TRPM6: variants seen among roughly 807,000 people sequenced by gnomAD.
TRPM6 encodes channel kinase 2.
TRPM6 carries 111 observed loss-of-function variants against 247.6 expected under a neutral mutation model. The observed-to-expected ratio is 0.45, with a 90% CI of 0.38 to 0.52. The LOEUF (loss-of-function observed/expected upper bound fraction) is 0.52, where lower values mean the gene tolerates loss of function less well. TRPM6 is among the 20% of genes least tolerant of loss of function. TRPM6 has a pLI of 0.00. For missense variants in TRPM6, 2,126 were observed against 2,421.5 expected (o/e 0.88, Z 2.56); for synonymous variants, 892 against 853.8 (o/e 1.04, Z -0.78).
intron 1 of TRPM6, among the ~76,000 whole-genome samples, chr9:74,870,942 G>GAAAAGAAAAGA (rs925304968): frequency 6.6e-6 from 1 of 151,274 alleles, no homozygotes; most frequent in East Asian, 1.9e-4. Flanking sequence ...CAAAAAAAAA[G>GAAAAGAAAAGA]AAAAGAAAAG....
At chr9:74,818,409 T>A (rs1480191027) in intron 9 of TRPM6, among the ~76,000 whole-genome samples, 3 of 149,914 alleles carry the variant, frequency 2.0e-5, no homozygotes, top group Non-Finnish European at 1.5e-5. Flanking sequence ...TTCAAGCGAT[T>A]CTCCTGCCTA....
chr9:74,783,974 G>A (rs181940650), intron 21 of TRPM6, among the ~76,000 whole-genome samples: 1 of 152,136 alleles, frequency 6.6e-6, no homozygotes, highest in East Asian at 1.9e-4. Context: ...GGAAAAAGCC[G>A]GCCGGGCTCA....
intron 23 of TRPM6, among the ~76,000 whole-genome samples, chr9:74,781,257 C>G (rs1226288656): frequency 1.3e-5 from 2 of 151,948 alleles, no homozygotes; most frequent in Admixed American, 1.3e-4. Flanking sequence ...AACAGAGGGC[C>G]TGGCACAGTG....
At chr9:74,819,169 C>G (rs914371284) in intron 9 of TRPM6, among the ~76,000 whole-genome samples, 1 of 152,000 alleles carries the variant, frequency 6.6e-6, no homozygotes, top group Admixed American at 6.6e-5. Context: ...ATTAGCCAGG[C>G]ATGGTGGCAT....
intron 38 of TRPM6, among the ~76,000 whole-genome samples, chr9:74,726,371 G>C (rs563185889): frequency 6.6e-6 from 1 of 152,072 alleles, no homozygotes. Flanking sequence ...TTAGCTGGGC[G>C]TGGTGGCGGG....
At chr9:74,883,336 T>G (rs1042046809) in intron 1 of TRPM6, among the ~76,000 whole-genome samples, 1 of 152,186 alleles carries the variant, frequency 6.6e-6, no homozygotes, top group Non-Finnish European at 1.5e-5. Context: ...TTTTAATGAT[T>G]GTGATTTTAT....
Position 74,788,703 on chromosome 9 carries a change from C to A in TRPM6, c.2578G>T (p.Val860Leu), listed in dbSNP as rs1376855844. 4 of 1,613,938 alleles carry A rather than the reference C, an allele frequency of 2.5e-6. No homozygotes were observed. Among genetic ancestry groups the A allele is most frequent in the Non-Finnish European group, 3.4e-6 (4 of 1,179,970 alleles). The change falls in exon 20 of 39, where the codon GTG (valine) becomes TTG (leucine). Residue 860 changes from valine to leucine, a missense_variant. Coordinates refer to ENST00000360774, the MANE Select transcript of TRPM6 (RefSeq NM_017662.5). ...GGCTGGGGCTGCATCTCCACCAACA[C>A]GGTGTAAGTGAACAGCATGAGGAAT... ...LAFLMLFTYT[V>L]LVEMQPQPSV...
intron 38 of TRPM6, among the ~76,000 whole-genome samples, chr9:74,725,527 A>G (rs969696106): frequency 1.1e-4 from 16 of 152,296 alleles, no homozygotes; most frequent in African/African-American, 3.8e-4. Flanking sequence ...CACAATTCCC[A>G]CGTGTCATGG....
intron 3 of TRPM6, among the ~76,000 whole-genome samples, chr9:74,852,606 C>T (rs563290326): frequency 2.0e-4 from 31 of 152,296 alleles, no homozygotes; most frequent in Admixed American, 1.8e-3. Flanking sequence ...ATTCTCCTGC[C>T]TCAGCCTGCC....
intron 6 of TRPM6, among the ~76,000 whole-genome samples, chr9:74,832,620 G>A (rs1005063281): frequency 2.0e-5 from 3 of 152,160 alleles, no homozygotes; most frequent in African/African-American, 7.2e-5. Context: ...GGAGGGTGTC[G>A]GCTGAATGGA....
intron 14 of TRPM6, chr9:74,804,461 G>C: frequency 3.3e-6 from 2 of 614,300 alleles, no homozygotes; most frequent in Non-Finnish European, 5.8e-6. Flanking sequence ...CATAAAATAT[G>C]ATAAAAACCA....
Position 74,800,498 on chromosome 9 carries a change from C to A in TRPM6, c.2010-16G>T. The A allele has an allele frequency of 6.3e-7, 1 of 1,598,360 alleles. No individual in the cohort carries two copies. On this transcript the variant is annotated splice_polypyrimidine_tract_variant and intron_variant, in intron 16 of 38. Coordinates refer to ENST00000360774, the MANE Select transcript of TRPM6 (RefSeq NM_017662.5). ...GCCAAACTGTCTGCCATGAGGGTGG[C>A]CAATTAAGAAAACAAAGGCAGGTGA...
intron 3 of TRPM6, among the ~76,000 whole-genome samples, chr9:74,854,761 T>C (rs1248271456): frequency 6.6e-6 from 1 of 152,188 alleles, no homozygotes; most frequent in African/African-American, 2.4e-5. Context: ...CCTCCCAAGT[T>C]CAAGCAATCC....
At chr9:74,757,192 CT>C (rs1295262676) in intron 27 of TRPM6, among the ~76,000 whole-genome samples, 42 of 149,278 alleles carry the variant, frequency 2.8e-4, no homozygotes, top group African/African-American at 9.1e-4. Context: ...AACAAACTAA[CT>C]AACAAAAAAA....
At chr9:74,857,745 G>A (rs1830570898) in intron 2 of TRPM6, 1 of 152,140 alleles carries the variant, frequency 6.6e-6, no homozygotes, top group Non-Finnish European at 1.5e-5. Context: ...CCCTGCTCAA[G>A]GATGACATGC....
rs761890236 is a variant in TRPM6, at chr9:74,739,759, G to T, written c.5451C>A (p.Ile1817=). The change falls in exon 34 of 39, where the codon ATC becomes ATA. Residue 1817 remains isoleucine (I), a synonymous_variant. Transcript: ENST00000360774. ...LPEVVRTWHK[I]FQESTVLHLC... ...GATGAAGCACAGTGCTCTCCTGGAA[G>T]ATTTTATGCCATGTCCGCACAACCT... The T allele has an allele frequency of 3.1e-6, 5 of 1,613,784 alleles. No individual in the cohort carries two copies. The highest frequency in any genetic ancestry group is 4.2e-6 in the Non-Finnish European group (5 of 1,180,036).
intron 21 of TRPM6, among the ~76,000 whole-genome samples, chr9:74,784,754 A>C (rs1282214635): frequency 1.3e-5 from 2 of 152,178 alleles, no homozygotes; most frequent in Non-Finnish European, 2.9e-5. Context: ...TCATTTGCTA[A>C]TACTAGTTTG....
At chr9:74,777,786 C>A (rs991869038) in intron 23 of TRPM6, among the ~76,000 whole-genome samples, 1 of 152,120 alleles carries the variant, frequency 6.6e-6, no homozygotes, top group Non-Finnish European at 1.5e-5. Flanking sequence ...AACCAGACAT[C>A]CCAGTATATC....
intron 25 of TRPM6, among the ~76,000 whole-genome samples, chr9:74,764,167 GCTA>G (rs1166571317): frequency 4.6e-5 from 7 of 151,824 alleles, no homozygotes; most frequent in African/African-American, 1.7e-4. Flanking sequence ...TTGAGAGATG[GCTA>G]CTATTTGTCT....
Sources: allele counts gnomAD v4.1 joint callset (sites outside exome capture counted in the v4.1 genomes callset), GRCh38; gene constraint gnomAD v4.1.1; transcripts MANE v1.5; gene names NCBI Gene and HGNC (gene_info 2026-07-23, HGNC 2026-07-21).